HEPHL1: variants seen among roughly 807,000 people sequenced by gnomAD.
The protein encoded by HEPHL1 is ferroxidase HEPHL1.
In HEPHL1, 123 loss-of-function variants were observed where a neutral mutation model predicts 122.0. The ratio of observed to expected loss-of-function variants is 1.01; its 90% CI spans 0.87 to 1.17. The LOEUF (loss-of-function observed/expected upper bound fraction) is 1.17, where lower values mean the gene tolerates loss of function less well. HEPHL1 is among the 50% of genes most tolerant of loss of function. The pLI is 0.00. For missense variants in HEPHL1, 1,452 were observed against 1,430.5 expected (o/e 1.01, Z -0.24); for synonymous variants, 527 against 508.9 (o/e 1.04, Z -0.48).
chr11:94,061,906 G>GT (rs1400832383), intron 2 of HEPHL1, among the ~76,000 whole-genome samples: 17 of 152,104 alleles, frequency 1.1e-4, no homozygotes, highest in East Asian at 7.7e-4. Context: ...TAATGAACTA[G>GT]TAAGTTTCCC....
At chr11:94,048,911 G>A (rs927701931) in intron 2 of HEPHL1, among the ~76,000 whole-genome samples, 7 of 152,030 alleles carry the variant, frequency 4.6e-5, no homozygotes, top group South Asian at 2.1e-4. Context: ...ACCTGAGGTC[G>A]GGCATTTGAG....
chr11:94,099,806 C>G (rs1057044364), intron 13 of HEPHL1, among the ~76,000 whole-genome samples: 1 of 152,186 alleles, frequency 6.6e-6, no homozygotes, highest in Non-Finnish European at 1.5e-5. Flanking sequence ...GTGGGTCCAT[C>G]TGAGCCAGGC....
At chr11:94,031,411 T>C (rs1423026549) in intron 1 of HEPHL1, among the ~76,000 whole-genome samples, 2 of 152,112 alleles carry the variant, frequency 1.3e-5, no homozygotes, top group Non-Finnish European at 1.5e-5. Flanking sequence ...AATTTGCTTT[T>C]TTTTTATTAG....
At chr11:94,069,794 T>A (rs2134431626) in intron 5 of HEPHL1, among the ~76,000 whole-genome samples, 1 of 152,278 alleles carries the variant, frequency 6.6e-6, no homozygotes, top group South Asian at 2.1e-4. Context: ...TGTCTGAACA[T>A]TTTCTTAGAA....
intron 2 of HEPHL1, among the ~76,000 whole-genome samples, chr11:94,048,042 G>T (rs1945855962): frequency 6.6e-6 from 1 of 151,922 alleles, no homozygotes. Flanking sequence ...CCTCCCTTTT[G>T]CTGCCCCACT....
At position 94,073,169 on chromosome 11, in the gene HEPHL1, A is replaced by C. The variant is rs1946091460; in HGVS notation, c.1372+5A>C. The C allele has an allele frequency of 6.2e-7, 1 of 1,612,876 alleles. No individual in the cohort carries two copies. The highest frequency in any genetic ancestry group is 1.3e-5 in the African/African-American group (1 of 74,874). On this transcript the variant is annotated splice_donor_5th_base_variant and intron_variant, in intron 7 of 19. Coordinates refer to ENST00000315765, the MANE Select transcript of HEPHL1 (RefSeq NM_001098672.2). ...AAGCCCATCTTGGAATTCTTGGTAC[A>C]GTAAAACCATCCCCCATGCATTGAA...
At chr11:94,106,514 C>T (rs369813301) in intron 17 of HEPHL1, among the ~76,000 whole-genome samples, 1 of 152,004 alleles carries the variant, frequency 6.6e-6, no homozygotes, top group East Asian at 1.9e-4. Context: ...CCAGGATGGT[C>T]TCAATCTCCT....
chr11:94,081,299 G>C (rs574267889), intron 9 of HEPHL1, among the ~76,000 whole-genome samples: 175 of 152,314 alleles, frequency 1.1e-3, no homozygotes, highest in African/African-American at 3.7e-3. Context: ...TGTGGTGGTA[G>C]GGGTGGAGGG....
At chr11:94,075,075 T>C in intron 8 of HEPHL1, 99 bp from the exon 9 acceptor site, 1 of 962,826 alleles carries the variant, frequency 1.0e-6, no homozygotes, top group Non-Finnish European at 1.6e-6. Flanking sequence ...ACAAAATTCT[T>C]CATCATCAGA....
intron 9 of HEPHL1, among the ~76,000 whole-genome samples, chr11:94,078,446 C>CATATAGATATATATAT (rs1367101424): frequency 3.6e-5 from 4 of 111,480 alleles, no homozygotes; most frequent in East Asian, 5.0e-4. Flanking sequence ...TCAGATGTTC[C>CATATAGATATATATAT]ATATATATAT....
intron 2 of HEPHL1, chr11:94,055,143 A>G (rs1042722910): frequency 1.9e-5 from 4 of 209,098 alleles, no homozygotes; most frequent in Middle Eastern, 1.7e-3. Flanking sequence ...CAATCTGGCC[A>G]TCACCTGTGG....
At chr11:94,062,507 T>G (rs573711095) in intron 2 of HEPHL1, among the ~76,000 whole-genome samples, 1 of 152,346 alleles carries the variant, frequency 6.6e-6, no homozygotes, top group Admixed American at 6.5e-5. Flanking sequence ...GAATTTGTAT[T>G]CCTAATGCCT....
chr11:94,070,649 C>T lies in HEPHL1; in HGVS notation c.1232+107C>T. 3 of 889,992 alleles carry T rather than the reference C, an allele frequency of 3.4e-6. No homozygotes were observed. In the East Asian group the frequency reaches 8.0e-5, roughly 24 times the overall value. The allele number at this position is 889,992 out of a possible 1,614,324, so 55.1% of individuals were successfully genotyped here. ...CAACCACTGCTCTGATGAGCTTATA[C>T]TGCATAGATGGCATAATGTAGCTGC... is the stretch of plus-strand genomic sequence containing the variant. On this transcript the variant is annotated intron_variant, in intron 6 of 19. Transcript: ENST00000315765.
At chr11:94,024,373 A>C in intron 1 of HEPHL1, among the ~76,000 whole-genome samples, 1 of 152,186 alleles carries the variant, frequency 6.6e-6, no homozygotes, top group East Asian at 1.9e-4. Flanking sequence ...GAGAAGTGTA[A>C]TGCCAAAGCA....
intron 13 of HEPHL1, among the ~76,000 whole-genome samples, chr11:94,095,288 A>G (rs1475426514): frequency 1.3e-5 from 2 of 152,296 alleles, no homozygotes; most frequent in South Asian, 4.1e-4. Context: ...CAGGTTTGTC[A>G]AAGATCAGAT....
chr11:94,083,398 T>C (rs565422898), intron 10 of HEPHL1, among the ~76,000 whole-genome samples: 1 of 152,186 alleles, frequency 6.6e-6, no homozygotes, highest in Non-Finnish European at 1.5e-5. Flanking sequence ...GCAAACCACC[T>C]GCTAATTGCT....
At chr11:94,080,774 T>G (rs1946164531) in intron 9 of HEPHL1, among the ~76,000 whole-genome samples, 1 of 152,124 alleles carries the variant, frequency 6.6e-6, no homozygotes, top group Admixed American at 6.5e-5. Context: ...TGGCAATTAT[T>G]AAAAAGTCGA....
intron 8 of HEPHL1, among the ~76,000 whole-genome samples, chr11:94,073,998 G>A (rs928516507): frequency 1.3e-5 from 2 of 152,144 alleles, no homozygotes; most frequent in East Asian, 1.9e-4. Context: ...GGTAGCTGTT[G>A]CCCAGTGGCT....
chr11:94,077,354 TC>T (rs985235814), intron 9 of HEPHL1, among the ~76,000 whole-genome samples: 4 of 152,274 alleles, frequency 2.6e-5, no homozygotes, highest in African/African-American at 9.6e-5. Context: ...GTCTCCTCTT[TC>T]CCCCATGATT....
Sources: allele counts gnomAD v4.1 joint callset (sites outside exome capture counted in the v4.1 genomes callset), GRCh38; gene constraint gnomAD v4.1.1; transcripts MANE v1.5; gene names NCBI Gene and HGNC (gene_info 2026-07-23, HGNC 2026-07-21).